Variants in FGD3 observed in about 807,000 individuals in gnomAD.
FGD3 encodes FYVE, RhoGEF and PH domain containing 3, also known as FYVE, RhoGEF and PH domain-containing protein 3.
Under a neutral mutation model 71.8 loss-of-function variants are expected in FGD3, and 45 were observed. The ratio of observed to expected loss-of-function variants is 0.63; its 90% confidence interval spans 0.49 to 0.80. The LOEUF (loss-of-function observed/expected upper bound fraction) is 0.80. FGD3 is among the 30% of genes least tolerant of loss of function. The probability of loss-of-function intolerance (pLI) is 0.00; values close to 1 mark genes in which losing one functional copy is unlikely to be tolerated. For synonymous variants in FGD3, 378 were observed against 392.8 expected (o/e 0.96, Z 0.44); for missense variants, 844 against 951.5 (o/e 0.89, Z 1.49).
chr9:93,013,179 A>T (rs1861508147), intron 8 of FGD3, among the ~76,000 whole-genome samples: 1 of 152,016 alleles, frequency 6.6e-6, no homozygotes. Context: ...CCCTGTGCCC[A>T]CTTGCACCTA....
intron 14 of FGD3, among the ~76,000 whole-genome samples, chr9:93,025,524 T>C (rs1003653317): frequency 1.3e-5 from 2 of 152,208 alleles, no homozygotes; most frequent in Non-Finnish European, 2.9e-5. Context: ...TACAAAGCAC[T>C]CAAAAGCAAG....
rs553719186 is a variant in FGD3 at position 93,034,384 on chromosome 9, G to T, written c.1786-157G>T. 2.5e-5 allele frequency: 24 copies of T among 975,362 alleles called. No homozygotes were observed. In the African/African-American group the frequency reaches 4.0e-4, roughly 16 times the overall value. 60.4% of individuals were successfully genotyped at this position (975,362 alleles called of 1,614,324 possible). On this transcript the variant is annotated intron_variant, in intron 16 of 17. Coordinates refer to ENST00000375482, the MANE Select transcript of FGD3 (RefSeq NM_001083536.2). ...TGCAGGCTTCTAGTGACCCTTGCAA[G>T]CCGGGTGAGGCTGGTCCCAGTCTCT... is the stretch of plus-strand genomic sequence containing the variant.
At chr9:92,968,153 C>T (rs1425536547) in intron 1 of FGD3, among the ~76,000 whole-genome samples, 4 of 152,166 alleles carry the variant, frequency 2.6e-5, no homozygotes, top group African/African-American at 7.2e-5. Context: ...AGATACCCCC[C>T]GCCCACCAGC....
chr9:92,948,796 T>C (rs543992241), intron 1 of FGD3, among the ~76,000 whole-genome samples: 2 of 152,308 alleles, frequency 1.3e-5, no homozygotes, highest in East Asian at 3.9e-4. Flanking sequence ...GGCCCTTGTG[T>C]TGGGGCAGGG....
chr9:93,018,235 T>C lies in FGD3; in HGVS notation c.1355+20T>C. On this transcript the variant is annotated intron_variant, in intron 11 of 17. Coordinates refer to ENST00000375482, the MANE Select transcript of FGD3 (RefSeq NM_001083536.2). ...GACGCGGTATGGAACGGGCTGTTTCTAGTGAATGTCTTTGACCTCATGTCT... is the reference window on the plus strand; with the variant it reads ...GACGCGGTATGGAACGGGCTGTTTCCAGTGAATGTCTTTGACCTCATGTCT... 1.2e-6 allele frequency: 2 copies of C among 1,603,354 alleles called. No individual in the cohort carries two copies. Among genetic ancestry groups the C allele is most frequent in the Non-Finnish European group, 1.7e-6 (2 of 1,170,830 alleles).
At chr9:93,005,418 C>CCCAG (rs767583467) in intron 5 of FGD3, among the ~76,000 whole-genome samples, 1 of 152,230 alleles carries the variant, frequency 6.6e-6, no homozygotes, top group Non-Finnish European at 1.5e-5. Context: ...AGCCACCACA[C>CCCAG]CCAGCCTGGA....
At chr9:92,996,078 T>C (rs1355467906) in intron 3 of FGD3, among the ~76,000 whole-genome samples, 1 of 152,218 alleles carries the variant, frequency 6.6e-6, no homozygotes, top group Non-Finnish European at 1.5e-5. Flanking sequence ...GTACCTCTGG[T>C]AGAATTCGGC....
At chr9:92,955,803 T>C (rs779344594) in intron 1 of FGD3, among the ~76,000 whole-genome samples, 1 of 152,212 alleles carries the variant, frequency 6.6e-6, no homozygotes, top group Non-Finnish European at 1.5e-5. Context: ...GAGAATGTTA[T>C]ATAAACGGAG....
chr9:93,022,350 G>A lies in FGD3; in HGVS notation c.1518G>A (p.Glu506=). Residue 506 remains glutamate, a synonymous_variant, in exon 14 of 18, where the codon GAG becomes GAA. Coordinates refer to ENST00000375482, the MANE Select transcript of FGD3 (RefSeq NM_001083536.2). The part of the protein sequence containing the change: ...DMPITSTSPV[E]PVVTTEGSSG... ...AGATCACGAGCACCAGCCCTGTGGA[G>A]CCTGTGGTGACCACCGAAGGCAGTT... 1 of 1,612,548 alleles carries A rather than the reference G, an allele frequency of 6.2e-7. No homozygotes were observed. The highest frequency in any genetic ancestry group is 8.5e-7 in the Non-Finnish European group (1 of 1,179,474).
At chr9:92,999,514 G>T (rs1374908832) in intron 3 of FGD3, among the ~76,000 whole-genome samples, 1 of 151,400 alleles carries the variant, frequency 6.6e-6, no homozygotes, top group Non-Finnish European at 1.5e-5. Context: ...CGGAAATGCA[G>T]AAATCATCCG....
chr9:93,016,471 G>T (rs761868323), intron 10 of FGD3, among the ~76,000 whole-genome samples: 15 of 150,678 alleles, frequency 1.0e-4, no homozygotes, highest in Non-Finnish European at 1.6e-4. Flanking sequence ...CTGTGTAGCT[G>T]CGATTACAGG....
intron 1 of FGD3, among the ~76,000 whole-genome samples, chr9:92,948,052 G>A (rs1332843034): frequency 6.6e-6 from 1 of 152,148 alleles, no homozygotes; most frequent in Non-Finnish European, 1.5e-5. Context: ...ATGATTAAGT[G>A]CTGGGCTGGA....
In FGD3 at chr9:92,984,215, T is replaced by G. The variant is rs543779581; in HGVS notation, c.453+7506T>G. Among the ~76,000 whole-genome samples the G allele has an allele frequency of 1.4e-3, 207 of 152,238 alleles. 1 individual carries two copies. The highest frequency in any genetic ancestry group is 1.9e-3 in the Non-Finnish European group (131 of 68,032). ...AGCATTTTACAACTTGCACTGACCA[T>G]CTACGGCATGCTTGGACTTTCTGAC... On this transcript the variant is annotated intron_variant, in intron 3 of 17. Coordinates refer to ENST00000375482, the MANE Select transcript of FGD3 (RefSeq NM_001083536.2).
At chr9:93,009,282 G>T (rs541169235) in intron 6 of FGD3, among the ~76,000 whole-genome samples, 1 of 151,898 alleles carries the variant, frequency 6.6e-6, no homozygotes, top group Non-Finnish European at 1.5e-5. Context: ...AAAGTTTCTT[G>T]TAGGGAGATA....
intron 14 of FGD3, among the ~76,000 whole-genome samples, chr9:93,028,234 A>G (rs1441632729): frequency 6.7e-6 from 1 of 149,602 alleles, no homozygotes; most frequent in African/African-American, 2.5e-5. Context: ...ACACACACAC[A>G]CACCCCAATT....
intron 16 of FGD3, chr9:93,033,113 G>A (rs1196650260): frequency 6.9e-6 from 4 of 583,166 alleles, no homozygotes; most frequent in Non-Finnish European, 1.3e-5. Context: ...GCATCCAGGA[G>A]TTAGATGGGA....
chr9:93,030,719 A>G (rs11787778), intron 15 of FGD3, among the ~76,000 whole-genome samples: 384 of 6,582 alleles, frequency 0.058, 4 homozygotes, highest in African/African-American at 0.12. Context: ...GGGGGGCAGC[A>G]GGGGGGGGGG....
At chr9:92,968,956 AG>A (rs968846130) in intron 1 of FGD3, among the ~76,000 whole-genome samples, 5 of 152,316 alleles carry the variant, frequency 3.3e-5, no homozygotes, top group African/African-American at 9.6e-5. Context: ...GGGCATGGCC[AG>A]GGTGCCCTGG....
chr9:93,019,990 T>C, intron 12 of FGD3, 129 bp downstream of exon 12: 1 of 957,114 alleles, frequency 1.0e-6, no homozygotes. Context: ...CCTGCAGGGA[T>C]GCAGTGACCA....
Sources: allele counts gnomAD v4.1 joint callset (sites outside exome capture counted in the v4.1 genomes callset), GRCh38; gene constraint gnomAD v4.1.1; transcripts MANE v1.5; gene names NCBI Gene and HGNC (gene_info 2026-07-23, HGNC 2026-07-21).